TMEM132C: variants seen among roughly 807,000 people sequenced by gnomAD.
TMEM132C encodes protein phosphatase 1, regulatory subunit 152.
TMEM132C carries 29 observed loss-of-function variants against 61.4 expected under a neutral mutation model. The ratio of observed to expected loss-of-function variants is 0.47; its 90% CI spans 0.35 to 0.64. The LOEUF (loss-of-function observed/expected upper bound fraction) is 0.64, where lower values mean the gene tolerates loss of function less well. Ranked by LOEUF, TMEM132C falls within the 30% of genes least tolerant of loss-of-function variation. The probability of loss-of-function intolerance (pLI) is 0.00; values close to 1 mark genes in which losing one functional copy is unlikely to be tolerated. For missense variants in TMEM132C, 1,408 were observed against 1,476.9 expected, an observed-to-expected ratio of 0.95 and a Z score of 0.76; for synonymous variants, 656 against 633.1, an observed-to-expected ratio of 1.04 and a Z score of -0.54.
intron 3 of TMEM132C, among the ~76,000 whole-genome samples, chr12:128,604,451 AATAG>A (rs1355991028): frequency 7.1e-6 from 1 of 141,630 alleles, no homozygotes; most frequent in East Asian, 2.1e-4. Context: ...ATAGATAGAT[AATAG>A]ATGGATAGAT....
At chr12:128,537,128 T>A (rs892374923) in intron 2 of TMEM132C, among the ~76,000 whole-genome samples, 1 of 152,212 alleles carries the variant, frequency 6.6e-6, no homozygotes, top group Admixed American at 6.5e-5. Context: ...AGGGATAGCA[T>A]GATCCCAAGG....
intron 1 of TMEM132C, among the ~76,000 whole-genome samples, chr12:128,271,303 A>C (rs887433253): frequency 7.5e-6 from 1 of 133,824 alleles, no homozygotes; most frequent in Non-Finnish European, 1.6e-5. Flanking sequence ...TAATAATAAT[A>C]ATAAAATGAA....
chr12:128,705,635 C>T lies in TMEM132C; in HGVS notation c.2667C>T (p.Pro889=), dbSNP rs1226367448. The T allele has an allele frequency of 8.4e-6, 13 of 1,551,058 alleles. No individual in the cohort carries two copies. The highest frequency in any genetic ancestry group is 2.7e-5 in the African/African-American group (2 of 73,178). Reference sequence around the variant, plus strand: ...GAGAGGGGCAGCTGCAGAACATCCCCATTGACTTCACCAACTTCCCTGCCC... The same window carrying T: ...GAGAGGGGCAGCTGCAGAACATCCCTATTGACTTCACCAACTTCCCTGCCC... ...LAGEGQLQNI[P]IDFTNFPAHV... is the part of the protein sequence containing the mutation. The change falls in exon 9 of 9, where the codon CCC becomes CCT. Residue 889 remains proline (P), a synonymous_variant. Coordinates refer to ENST00000435159, the MANE Select transcript of TMEM132C (RefSeq NM_001136103.3).
intron 3 of TMEM132C, among the ~76,000 whole-genome samples, chr12:128,582,136 A>G (rs1395179567): frequency 6.6e-6 from 1 of 152,264 alleles, no homozygotes; most frequent in Non-Finnish European, 1.5e-5. Context: ...GACAAGGAAT[A>G]GTATCGAGAA....
intron 2 of TMEM132C, among the ~76,000 whole-genome samples, chr12:128,534,881 T>C (rs1336735561): frequency 1.3e-5 from 2 of 152,192 alleles, no homozygotes; most frequent in African/African-American, 2.4e-5. Flanking sequence ...TTGGTGAGAA[T>C]CCTCCTATGA....
chr12:128,651,902 T>G (rs973413758), intron 4 of TMEM132C, among the ~76,000 whole-genome samples: 2 of 152,200 alleles, frequency 1.3e-5, no homozygotes, highest in African/African-American at 4.8e-5. Flanking sequence ...CACAGAACTT[T>G]GGCTTCACTC....
intron 1 of TMEM132C, among the ~76,000 whole-genome samples, chr12:128,392,040 C>CTCTCTG (rs1175699382): frequency 6.9e-5 from 10 of 145,670 alleles, no homozygotes; most frequent in African/African-American, 2.6e-4. Context: ...ACCCTCTGCT[C>CTCTCTG]TCTCTGTCTC....
intron 3 of TMEM132C, among the ~76,000 whole-genome samples, chr12:128,545,448 A>G (rs940186685): frequency 4.6e-5 from 7 of 152,178 alleles, no homozygotes; most frequent in Admixed American, 4.6e-4. Context: ...TCTTTTTGGT[A>G]GAACAGTCTA....
chr12:128,434,532 C>A (rs1375318056), intron 2 of TMEM132C, among the ~76,000 whole-genome samples: 1 of 152,152 alleles, frequency 6.6e-6, no homozygotes, highest in East Asian at 1.9e-4. Flanking sequence ...AAGTGATCCG[C>A]CTGCCTCGGC....
intron 2 of TMEM132C, among the ~76,000 whole-genome samples, chr12:128,489,325 G>A (rs200019001): frequency 6.6e-6 from 1 of 151,758 alleles, no homozygotes; most frequent in East Asian, 1.9e-4. Context: ...TGCCCACCAT[G>A]CTCATGTTAG....
rs559864646 is a variant in TMEM132C, at chr12:128,446,580, T to C, written c.974+30960T>C. Among the ~76,000 whole-genome samples, 84 of 152,274 alleles carry C rather than the reference T, an allele frequency of 5.5e-4. No individual in the cohort carries two copies. The South Asian group carries it at 0.017, about 31-fold the overall frequency. On this transcript the variant is annotated intron_variant, in intron 2 of 8. Coordinates refer to ENST00000435159, the MANE Select transcript of TMEM132C (RefSeq NM_001136103.3). ...TTTAGCAAACACCTATTGACTGGAG[T>C]CAATAGTAACCTTAAAAGAAAACAG...
chr12:128,561,544 T>TTA (rs1452923797), intron 3 of TMEM132C, among the ~76,000 whole-genome samples: 8 of 152,238 alleles, frequency 5.3e-5, no homozygotes, highest in African/African-American at 1.9e-4. Context: ...AAATAATTAT[T>TTA]AAGTGCCTTC....
intron 3 of TMEM132C, among the ~76,000 whole-genome samples, chr12:128,567,351 C>T (rs1293268224): frequency 2.0e-5 from 3 of 151,888 alleles, no homozygotes; most frequent in Non-Finnish European, 4.4e-5. Context: ...GTATGTCACC[C>T]GATGACTGTA....
At chr12:128,579,183 A>G (rs1010647713) in intron 3 of TMEM132C, among the ~76,000 whole-genome samples, 5 of 152,210 alleles carry the variant, frequency 3.3e-5, no homozygotes, top group African/African-American at 1.2e-4. Context: ...TAGCCCATGC[A>G]CGGGCCTCAG....
chr12:128,288,570 C>T (rs1871149228), intron 1 of TMEM132C: 2 of 152,124 alleles, frequency 1.3e-5, no homozygotes, highest in Non-Finnish European at 2.9e-5. Context: ...CAGCTGTCTC[C>T]CAGGCAGCAC....
chr12:128,342,198 G>T (rs1872996619), intron 1 of TMEM132C, among the ~76,000 whole-genome samples: 1 of 151,912 alleles, frequency 6.6e-6, no homozygotes, highest in Admixed American at 6.6e-5. Context: ...TAGTAGAGTT[G>T]GGGTGTCACC....
rs192889758 is a variant in TMEM132C at position 128,694,266 on chromosome 12, T to C, written c.1655+232T>C. The stretch of plus-strand genomic sequence containing the variant: ...CTTATATGAGGCTGTCTCTTGAAAG[T>C]GGCTCTCCCAAAATGACACGATGGA... On this transcript the variant is annotated intron_variant, in intron 6 of 8. Coordinates refer to ENST00000435159, the MANE Select transcript of TMEM132C (RefSeq NM_001136103.3). Among the ~76,000 whole-genome samples, 314 of 152,292 alleles carry C rather than the reference T, an allele frequency of 2.1e-3. 1 individual carries two copies. The highest frequency in any genetic ancestry group is 2.2e-3 in the Admixed American group (33 of 15,296).
intron 6 of TMEM132C, 28 bp downstream of exon 6, chr12:128,694,062 G>A (rs1566017285): frequency 1.3e-6 from 2 of 1,548,264 alleles, no homozygotes; most frequent in East Asian, 2.4e-5. Flanking sequence ...AGATGCCCTA[G>A]AGCCAAAACA....
intron 2 of TMEM132C, among the ~76,000 whole-genome samples, chr12:128,540,143 G>A (rs879384928): frequency 2.6e-5 from 4 of 151,944 alleles, no homozygotes; most frequent in Non-Finnish European, 4.4e-5. Flanking sequence ...AATTTCCAAG[G>A]GCTCATTTTG....
Sources: allele counts gnomAD v4.1 joint callset (sites outside exome capture counted in the v4.1 genomes callset), GRCh38; gene constraint gnomAD v4.1.1; transcripts MANE v1.5; gene names NCBI Gene and HGNC (gene_info 2026-07-23, HGNC 2026-07-21).